Variants in MICAL2 observed in about 807,000 individuals in gnomAD.
The protein encoded by MICAL2 is [F-actin]-monooxygenase MICAL2.
In MICAL2, 77 loss-of-function variants were observed where a neutral mutation model predicts 127.3. The ratio of observed to expected loss-of-function variants is 0.60; its 90% CI spans 0.50 to 0.73. The LOEUF (loss-of-function observed/expected upper bound fraction) is 0.73, where lower values mean the gene tolerates loss of function less well. Among genes scored for constraint, MICAL2 ranks in the 30% least tolerant of loss-of-function variants. The pLI, the probability that MICAL2 is intolerant of heterozygous loss-of-function variation, is 0.00. For synonymous variants in MICAL2, 570 were observed against 551.1 expected (o/e 1.03, Z -0.48); for missense variants, 1,351 against 1,434.4 (o/e 0.94, Z 0.94).
chr11:12,323,351 C>T (rs956204847), intron 30 of MICAL2, among the ~76,000 whole-genome samples: 2 of 152,130 alleles, frequency 1.3e-5, no homozygotes, highest in Admixed American at 6.5e-5. Flanking sequence ...TGGAATGATA[C>T]ATTTCTCCAT....
downstream of MICAL2, among the ~76,000 whole-genome samples, chr11:12,267,328 G>T (rs749804589): frequency 7.6e-4 from 115 of 152,140 alleles, 1 homozygote; most frequent in Non-Finnish European, 6.8e-4. Context: ...CCCAAAACAG[G>T]CTCTGCCCTT....
chr11:12,257,458 T>A (rs192816177), intron 24 of MICAL2, among the ~76,000 whole-genome samples: 1 of 152,356 alleles, frequency 6.6e-6, no homozygotes, highest in Admixed American at 6.5e-5. Context: ...GGAGGAATCA[T>A]GCTCATCGGA....
At chr11:12,141,687 G>C (rs112333248) in intron 2 of MICAL2, among the ~76,000 whole-genome samples, 1 of 152,200 alleles carries the variant, frequency 6.6e-6, no homozygotes, top group South Asian at 2.1e-4. Context: ...TCAAGTCCTT[G>C]ATGCCCCAGG....
At chr11:12,124,776 G>A (rs1346785838) in intron 1 of MICAL2, among the ~76,000 whole-genome samples, 2 of 152,170 alleles carry the variant, frequency 1.3e-5, no homozygotes, top group African/African-American at 2.4e-5. Context: ...CAGAGTCCAA[G>A]TCATTAACTT....
intron 6 of MICAL2, among the ~76,000 whole-genome samples, chr11:12,212,528 A>G (rs984228649): frequency 4.6e-5 from 7 of 152,234 alleles, no homozygotes; most frequent in Non-Finnish European, 7.3e-5. Flanking sequence ...AATTCCATTT[A>G]TTCATTTATA....
intron 1 of MICAL2, among the ~76,000 whole-genome samples, chr11:12,121,192 G>A (rs73412257): frequency 0.038 from 5,846 of 152,246 alleles, 400 homozygotes; most frequent in African/African-American, 0.13. Context: ...AGCAAACAGC[G>A]TCTGCTTCAC....
chr11:12,298,909 T>A (rs1864015643), intron 29 of MICAL2, among the ~76,000 whole-genome samples: 1 of 152,232 alleles, frequency 6.6e-6, no homozygotes, highest in Non-Finnish European at 1.5e-5. Flanking sequence ...TTTTTGATTA[T>A]GTTTGATAAT....
downstream of MICAL2, among the ~76,000 whole-genome samples, chr11:12,359,481 ATC>A (rs1226146910): frequency 1.3e-5 from 2 of 152,178 alleles, no homozygotes; most frequent in Non-Finnish European, 2.9e-5. Context: ...AGAGAGAAGT[ATC>A]TCTCCCTCTC....
intron 29 of MICAL2, among the ~76,000 whole-genome samples, chr11:12,304,390 G>A (rs1033112416): frequency 3.3e-5 from 5 of 152,102 alleles, no homozygotes; most frequent in Non-Finnish European, 7.3e-5. Flanking sequence ...CAGCACTTTG[G>A]GAGGCTGAGG....
At chr11:12,212,716 C>G (rs1227700502) in intron 6 of MICAL2, among the ~76,000 whole-genome samples, 1 of 150,612 alleles carries the variant, frequency 6.6e-6, no homozygotes, top group Non-Finnish European at 1.5e-5. Context: ...TACTGAGGTA[C>G]TGGGGTTAGG....
intron 21 of MICAL2, among the ~76,000 whole-genome samples, chr11:12,246,218 G>T (rs1590615148): frequency 6.6e-6 from 1 of 152,260 alleles, no homozygotes; most frequent in African/African-American, 2.4e-5. Context: ...AGACAGAGAT[G>T]CTGTCAGCCA....
intron 29 of MICAL2, among the ~76,000 whole-genome samples, chr11:12,300,229 G>A (rs995107259): frequency 1.3e-5 from 2 of 152,176 alleles, no homozygotes; most frequent in Non-Finnish European, 2.9e-5. Flanking sequence ...AGGAGGCACA[G>A]TTTGCAGTGA....
rs754418691 is a variant in MICAL2 at position 12,262,676 on chromosome 11, G to A, written c.*17+139G>A. ...ACTGATGGACTCATTTGGTGGCATG[G>A]TTGGCTAACAGCATGGCGGGGGGTG... On this transcript the variant is annotated intron_variant, in intron 27 of 27. Coordinates refer to ENST00000683283, the MANE Select transcript of MICAL2 (RefSeq NM_001282663.2). 4.9e-4 allele frequency: 368 copies of A among 754,266 alleles called. 5 individuals carry two copies. Among genetic ancestry groups the A allele is most frequent in the Admixed American group, 1.2e-3 (60 of 48,704 alleles). The allele number at this position is 754,266 out of a possible 1,614,324, so 46.7% of individuals were successfully genotyped here.
downstream of MICAL2, chr11:12,293,669 C>G (rs369289563): frequency 2.5e-6 from 4 of 1,614,042 alleles, no homozygotes; most frequent in African/African-American, 4.0e-5. Context: ...GGAAATTCCC[C>G]TGTATCTGCC....
intron 32 of MICAL2, among the ~76,000 whole-genome samples, chr11:12,339,393 G>A (rs939025564): frequency 4.0e-5 from 6 of 151,892 alleles, no homozygotes; most frequent in Non-Finnish European, 5.9e-5. Flanking sequence ...CCATTGGTTC[G>A]AACTTCCTCC....
At chr11:12,297,930 T>TA (rs1452720686) in intron 29 of MICAL2, among the ~76,000 whole-genome samples, 1 of 151,784 alleles carries the variant, frequency 6.6e-6, no homozygotes, top group Admixed American at 6.6e-5. Flanking sequence ...TATATTTTTT[T>TA]ATTTTAGGTA....
chr11:12,294,958 C>T (rs1863966977), downstream of MICAL2: 1 of 1,336,692 alleles, frequency 7.5e-7, no homozygotes, highest in Non-Finnish European at 9.6e-7. Context: ...TTTTGCTTCT[C>T]AAATACTAAC....
chr11:12,290,610 C>T (rs1238398318), downstream of MICAL2, among the ~76,000 whole-genome samples: 2 of 152,146 alleles, frequency 1.3e-5, no homozygotes, highest in Admixed American at 6.5e-5. Context: ...TCGTGGGCTG[C>T]GATGGGGGTG....
chr11:12,194,503 A>G (rs1185760670), intron 3 of MICAL2, among the ~76,000 whole-genome samples: 1 of 152,188 alleles, frequency 6.6e-6, no homozygotes, highest in Non-Finnish European at 1.5e-5. Flanking sequence ...CGGATGTTAT[A>G]TTATTTATAT....
Sources: gnomAD v4.1 joint callset for allele counts (sites outside exome capture counted in the v4.1 genomes callset) on GRCh38, gnomAD v4.1.1 for gene constraint, MANE v1.5 for transcripts, NCBI Gene and HGNC (gene_info 2026-07-23, HGNC 2026-07-21) for gene names.